ALDH3A2: variants seen among roughly 807,000 people sequenced by gnomAD.
ALDH3A2 encodes the protein aldehyde dehydrogenase 3 family member A2, also known as aldehyde dehydrogenase family 3 member A2.
A neutral mutation model predicts 51.3 loss-of-function variants in ALDH3A2; 36 were observed. The observed-to-expected ratio is 0.70, with a 90% CI of 0.54 to 0.93. ALDH3A2 has a LOEUF of 0.93. Among genes scored for constraint, ALDH3A2 ranks in the 40% least tolerant of loss-of-function variants. ALDH3A2 has a pLI of 0.00. For missense variants in ALDH3A2, 552 were observed against 603.1 expected (o/e 0.92, Z 0.89); for synonymous variants, 199 against 219.8 (o/e 0.91, Z 0.84).
rs925115204 is a variant in ALDH3A2 at position 19,676,725 on chromosome 17, C to T, written c.*1153C>T. 6.6e-6 allele frequency: 1 copy of T among 152,150 alleles called. No individual in the cohort carries two copies. The highest frequency in any genetic ancestry group is 1.5e-5 in the Non-Finnish European group (1 of 68,034). The allele number at this position is 152,150 out of a possible 1,614,324, so 9.4% of individuals were successfully genotyped here. On this transcript the variant is annotated 3_prime_UTR_variant, in exon 10 of 10. Transcript: ENST00000176643. ...ATCCTCTTTCAGGACCCTAAAGTTGCAGGTTAGTAGGTCTTCAAGGACAAA... is the reference window on the plus strand; with the variant it reads ...ATCCTCTTTCAGGACCCTAAAGTTGTAGGTTAGTAGGTCTTCAAGGACAAA...
intron 9 of ALDH3A2, chr17:19,673,396 T>TG: frequency 3.0e-6 from 3 of 1,000,810 alleles, no homozygotes; most frequent in Non-Finnish European, 4.2e-6. Flanking sequence ...GTTTTTTTTT[T>TG]GCTACAGTTG....
chr17:19,672,501 G>A, intron 9 of ALDH3A2: 1 of 172,898 alleles, frequency 5.8e-6, no homozygotes, highest in Non-Finnish European at 1.3e-5. Context: ...TTTATCTTTG[G>A]TGATTAGTCA....
chr17:19,661,976 G>A (rs542426281), intron 6 of ALDH3A2: 1 of 151,780 alleles, frequency 6.6e-6, no homozygotes, highest in African/African-American at 2.4e-5. Flanking sequence ...TAATTCAGTG[G>A]CCCCGTGGTA....
chr17:19,652,131 C>T (rs765270973), intron 2 of ALDH3A2, among the ~76,000 whole-genome samples: 1 of 152,160 alleles, frequency 6.6e-6, no homozygotes, highest in Non-Finnish European at 1.5e-5. Context: ...TTTCTTCATT[C>T]AAATAAAGAC....
intron 4 of ALDH3A2, 163 bp from the exon 5 acceptor site, chr17:19,657,582 C>T: frequency 1.5e-6 from 1 of 667,482 alleles, no homozygotes; most frequent in South Asian, 1.7e-5. Context: ...TTCTAAGTTC[C>T]AAACAACTGA....
chr17:19,665,376 CGTGTGTGTGTGTGTGT>C (rs34642385), intron 8 of ALDH3A2, among the ~76,000 whole-genome samples: 4 of 145,032 alleles, frequency 2.8e-5, no homozygotes, highest in African/African-American at 7.6e-5. Context: ...GATCTCTCTT[CGTGTGTGTGTGTGTGT>C]GTGTGTGTGT....
chr17:19,673,086 CA>C (rs2152333659), intron 9 of ALDH3A2: 1 of 1,606,614 alleles, frequency 6.2e-7, no homozygotes, highest in African/African-American at 1.3e-5. Flanking sequence ...GCTCATCTTA[CA>C]GTATCCCAGC....
At chr17:19,669,387 T>C (rs1043702868) in intron 8 of ALDH3A2, among the ~76,000 whole-genome samples, 17 of 152,184 alleles carry the variant, frequency 1.1e-4, no homozygotes, top group Non-Finnish European at 1.8e-4. Context: ...ACCTTTTTTT[T>C]CCCAAAGAGT....
chr17:19,650,410 T>C (rs2084799618), intron 1 of ALDH3A2, among the ~76,000 whole-genome samples: 1 of 152,056 alleles, frequency 6.6e-6, no homozygotes, highest in Non-Finnish European at 1.5e-5. Context: ...ACCTCCCAGA[T>C]ACTAGGACTA....
At chr17:19,648,738 T>G, upstream of ALDH3A2, 2 of 591,218 alleles carry the variant, frequency 3.4e-6, no homozygotes, top group Non-Finnish European at 3.0e-6. Flanking sequence ...GGGTGAGGCT[T>G]TGGGTCGAGC....
At chr17:19,672,013 A>G in intron 9 of ALDH3A2, 57 bp downstream of exon 9, 1 of 1,438,590 alleles carries the variant, frequency 7.0e-7, no homozygotes, top group South Asian at 1.1e-5. Context: ...GATGGCTGCC[A>G]GATGCATATT....
chr17:19,663,305 A>G, intron 6 of ALDH3A2, 28 bp from the exon 7 acceptor site: 1 of 1,611,818 alleles, frequency 6.2e-7, no homozygotes, highest in Non-Finnish European at 8.5e-7. Context: ...TCTAATAAGC[A>G]TTTTCATTTT....
At chr17:19,659,183 A>G (rs2084935801) in intron 5 of ALDH3A2, among the ~76,000 whole-genome samples, 1 of 152,150 alleles carries the variant, frequency 6.6e-6, no homozygotes, top group South Asian at 2.1e-4. Context: ...GTGAGCCAAG[A>G]TCATGCTACT....
Position 19,648,987 on chromosome 17 carries a change from C to T in ALDH3A2, c.16C>T (p.Arg6Trp), listed in dbSNP as rs1468417827. ...GGACCAGGCCATGGAGCTCGAAGTC[C>T]GGCGGGTCCGACAGGCGTTCCTGTC... is the stretch of plus-strand genomic sequence containing the variant. Reference protein sequence around the residue: MELEVRRVRQAFLSGR... With the variant: MELEVWRVRQAFLSGR... Residue 6 changes from arginine to tryptophan, a missense_variant, in exon 1 of 10, where the codon CGG (arginine) becomes TGG (tryptophan). Physicochemically the swap from Arg to Trp is moderately radical, Grantham distance 101. Coordinates refer to ENST00000176643, the MANE Select transcript of ALDH3A2 (RefSeq NM_000382.3). The T allele has an allele frequency of 8.8e-6, 14 of 1,586,096 alleles. No homozygotes were observed. Among genetic ancestry groups the T allele is most frequent in the Non-Finnish European group, 1.2e-5 (14 of 1,167,216 alleles).
upstream of ALDH3A2, chr17:19,648,643 C>G (rs2084766838): frequency 2.4e-6 from 1 of 414,344 alleles, no homozygotes; most frequent in Non-Finnish European, 4.5e-6. Flanking sequence ...ACATCCCAGC[C>G]CGCTGCCAGA....
In ALDH3A2 at chr17:19,650,641, G is replaced by C. The variant is rs563245419; in HGVS notation, c.154-906G>C. ...GCTAATTTTTTGTATTTTTAGTAGA[G>C]ACGGGGTTTCACTGTGTTAGCCAGG... is the stretch of plus-strand genomic sequence containing the variant. On this transcript the variant is annotated intron_variant, in intron 1 of 9. Transcript: ENST00000176643. Among the ~76,000 whole-genome samples, 4 of 151,966 alleles carry C rather than the reference G, an allele frequency of 2.6e-5. No homozygotes were observed. In the South Asian group the frequency reaches 6.2e-4, roughly 24 times the overall value.
chr17:19,665,143 G>A (rs1371779396), intron 8 of ALDH3A2, 96 bp downstream of exon 8: 16 of 1,119,394 alleles, frequency 1.4e-5, no homozygotes, highest in Middle Eastern at 2.0e-4. Context: ...CAGCTGTTGC[G>A]TACCCTGATT....
At chr17:19,657,449 G>A (rs991787665) in intron 4 of ALDH3A2, among the ~76,000 whole-genome samples, 1 of 152,208 alleles carries the variant, frequency 6.6e-6, no homozygotes, top group African/African-American at 2.4e-5. Context: ...GACATTGGGA[G>A]GCTGTTTCTC....
intron 4 of ALDH3A2, among the ~76,000 whole-genome samples, chr17:19,656,886 T>C (rs1466163506): frequency 6.6e-6 from 1 of 152,258 alleles, no homozygotes; most frequent in Non-Finnish European, 1.5e-5. Context: ...ATCTGTGAAG[T>C]ACATAATCCA....
Sources: allele counts gnomAD v4.1 joint callset (sites outside exome capture counted in the v4.1 genomes callset), GRCh38; gene constraint gnomAD v4.1.1; transcripts MANE v1.5; gene names NCBI Gene and HGNC (gene_info 2026-07-23, HGNC 2026-07-21).